The following TMEM135 variants were observed in gnomAD, a reference collection of about 807,000 sequenced individuals.
The protein encoded by TMEM135 is transmembrane protein 135, also known as peroxisomal membrane protein 52.
In TMEM135, 30 loss-of-function variants were observed where a neutral mutation model predicts 60.3. The observed-to-expected ratio is 0.50, with a 90% CI of 0.37 to 0.68. The LOEUF (loss-of-function observed/expected upper bound fraction) is 0.68. TMEM135 is among the 30% of genes least tolerant of loss of function. The probability of loss-of-function intolerance (pLI) is 0.00; values close to 1 mark genes in which losing one functional copy is unlikely to be tolerated. For missense variants in TMEM135, 468 were observed against 548.8 expected (o/e 0.85, Z 1.47); for synonymous variants, 190 against 186.7 (o/e 1.02, Z -0.14).
intron 6 of TMEM135, among the ~76,000 whole-genome samples, chr11:87,284,530 G>A (rs1396436325): frequency 1.3e-5 from 2 of 152,162 alleles, no homozygotes; most frequent in Non-Finnish European, 2.9e-5. Context: ...ATTATCGTCT[G>A]GGGACTTAGA....
intron 6 of TMEM135, chr11:87,277,312 G>C (rs1431494630): frequency 8.1e-6 from 3 of 369,068 alleles, no homozygotes; most frequent in Non-Finnish European, 1.6e-5. Context: ...TTGTATTTTT[G>C]TAGAGATGAG....
chr11:87,269,557 C>T (rs1408850427), intron 6 of TMEM135, among the ~76,000 whole-genome samples: 2 of 151,250 alleles, frequency 1.3e-5, no homozygotes, highest in Non-Finnish European at 2.9e-5. Context: ...CATGTGTTCT[C>T]ATTGTTCAAT....
In TMEM135 at chr11:87,255,288, A is replaced by G. The variant is rs182456260; in HGVS notation, c.509+18604A>G. Among the ~76,000 whole-genome samples the G allele has an allele frequency of 9.4e-4, 143 of 152,358 alleles. 3 individuals are homozygous for G. The highest frequency in any genetic ancestry group is 6.8e-3 in the Middle Eastern group (2 of 294). On this transcript the variant is annotated intron_variant, in intron 6 of 14. Transcript: ENST00000305494. ...ATTTGCAGAGGAGCAAAATTCTGCCATCCTTCTCTCTATTGCCAGCCTTAC... is the reference window on the plus strand; with the variant it reads ...ATTTGCAGAGGAGCAAAATTCTGCCGTCCTTCTCTCTATTGCCAGCCTTAC...
intron 5 of TMEM135, among the ~76,000 whole-genome samples, chr11:87,196,764 A>G (rs1236026986): frequency 2.8e-5 from 4 of 143,156 alleles, no homozygotes; most frequent in African/African-American, 1.0e-4. Flanking sequence ...TTCAATGAAA[A>G]CATGAACTTT....
intron 4 of TMEM135, among the ~76,000 whole-genome samples, chr11:87,127,391 C>T (rs1390261799): frequency 1.3e-5 from 2 of 152,198 alleles, no homozygotes; most frequent in African/African-American, 2.4e-5. Flanking sequence ...AATCAAGATT[C>T]ATGGCCTCCA....
intron 6 of TMEM135, among the ~76,000 whole-genome samples, chr11:87,260,730 G>T (rs1941634107): frequency 1.1e-5 from 1 of 88,422 alleles, no homozygotes; most frequent in African/African-American, 4.3e-5. Context: ...GAAAAAGAAA[G>T]GTTTTTTTTT....
intron 3 of TMEM135, among the ~76,000 whole-genome samples, chr11:87,079,943 G>A (rs1856953640): frequency 1.3e-5 from 2 of 149,812 alleles, no homozygotes; most frequent in South Asian, 2.1e-4. Context: ...GTGGGTTCAA[G>A]CGATTCTCCT....
intron 6 of TMEM135, among the ~76,000 whole-genome samples, chr11:87,274,703 G>T (rs1395662032): frequency 6.6e-6 from 1 of 151,816 alleles, no homozygotes; most frequent in Non-Finnish European, 1.5e-5. Flanking sequence ...GCTGATGCCT[G>T]TAATTCCAGC....
intron 5 of TMEM135, among the ~76,000 whole-genome samples, chr11:87,208,027 C>T (rs990412678): frequency 6.6e-6 from 1 of 152,128 alleles, no homozygotes; most frequent in Non-Finnish European, 1.5e-5. Flanking sequence ...CAACTTGTGC[C>T]ACAGTCAAAG....
intron 5 of TMEM135, among the ~76,000 whole-genome samples, chr11:87,167,102 CTCTT>C (rs909032776): frequency 1.3e-5 from 2 of 152,204 alleles, no homozygotes; most frequent in Admixed American, 1.3e-4. Context: ...ATTTGGCGTT[CTCTT>C]TGTCTGTTAT....
chr11:87,323,030 C>A lies in TMEM135; in HGVS notation c.*1697C>A. On this transcript the variant is annotated 3_prime_UTR_variant, in exon 15 of 15. Transcript: ENST00000305494. Reference sequence around the variant, plus strand: ...AAGTACTAAAGCCCTGAGAACTGCACCTCATTTTCTTTATCCAGAAATTGT... The same window carrying A: ...AAGTACTAAAGCCCTGAGAACTGCAACTCATTTTCTTTATCCAGAAATTGT... 2.2e-6 allele frequency: 1 copy of A among 454,324 alleles called. No homozygotes were observed. The highest frequency in any genetic ancestry group is 1.6e-5 in the South Asian group (1 of 64,426). The allele number at this position is 454,324 out of a possible 1,614,324, so 28.1% of individuals were successfully genotyped here.
At chr11:87,188,437 C>T (rs1288783686) in intron 5 of TMEM135, among the ~76,000 whole-genome samples, 1 of 152,058 alleles carries the variant, frequency 6.6e-6, no homozygotes, top group South Asian at 2.1e-4. Flanking sequence ...CGTGGTAGCT[C>T]ATGCCTGTAA....
rs1180116559 is a variant in TMEM135 at position 87,324,499 on chromosome 11, GA to G, written c.*3169del. The G allele has an allele frequency of 1.5e-5, 7 of 453,620 alleles. 1 individual carries two copies. The highest frequency in any genetic ancestry group is 1.1e-4 in the South Asian group (7 of 64,328). 28.1% of individuals were successfully genotyped at this position (453,620 alleles called of 1,614,324 possible). A position where few individuals can be genotyped will look rare whatever the true frequency, so the allele number is the denominator to read the frequency against. On this transcript the variant is annotated 3_prime_UTR_variant, in exon 15 of 15. Coordinates refer to ENST00000305494, the MANE Select transcript of TMEM135 (RefSeq NM_022918.4). ...TACAGTGGTGCAATCATAGCTCATT[GA>G]AACCTCAAATTCCTTGGTTCAAGCA...
At chr11:87,098,502 C>A (rs1211733903) in intron 4 of TMEM135, among the ~76,000 whole-genome samples, 1 of 152,014 alleles carries the variant, frequency 6.6e-6, no homozygotes, top group Non-Finnish European at 1.5e-5. Flanking sequence ...TGTGAACACT[C>A]CTGTTTTGCC....
At chr11:87,250,953 C>G (rs968537328) in intron 6 of TMEM135, among the ~76,000 whole-genome samples, 1 of 152,094 alleles carries the variant, frequency 6.6e-6, no homozygotes, top group Non-Finnish European at 1.5e-5. Flanking sequence ...TTGACCAAAA[C>G]TTATGGCAAT....
intron 10 of TMEM135, among the ~76,000 whole-genome samples, chr11:87,310,259 G>A (rs903918395): frequency 5.9e-5 from 9 of 151,942 alleles, no homozygotes; most frequent in Admixed American, 1.3e-4. Context: ...ATAAGCCCAC[G>A]CCTAAACATA....
intron 4 of TMEM135, among the ~76,000 whole-genome samples, chr11:87,149,379 T>C (rs1301850420): frequency 6.6e-6 from 1 of 152,160 alleles, no homozygotes; most frequent in Non-Finnish European, 1.5e-5. Flanking sequence ...TTCGTCATTC[T>C]CAGAGGTTTA....
At position 87,079,380 on chromosome 11, in the gene TMEM135, C is replaced by T. The variant is rs75691880; in HGVS notation, c.362+7765C>T. On this transcript the variant is annotated intron_variant, in intron 3 of 14. Coordinates refer to ENST00000305494, the MANE Select transcript of TMEM135 (RefSeq NM_022918.4). ...TCATCCATTTTGAATTAATTTTCGTCGGTAGTGTGAAGTAGAGAGTATTAA... is the reference window on the plus strand; with the variant it reads ...TCATCCATTTTGAATTAATTTTCGTTGGTAGTGTGAAGTAGAGAGTATTAA... Among the ~76,000 whole-genome samples the T allele has an allele frequency of 3.6e-3, 553 of 152,208 alleles. 5 individuals are homozygous for T. The highest frequency in any genetic ancestry group is 0.012 in the African/African-American group (484 of 41,528).
At chr11:87,152,978 A>G (rs907518731) in intron 4 of TMEM135, among the ~76,000 whole-genome samples, 6 of 152,062 alleles carry the variant, frequency 3.9e-5, no homozygotes, top group African/African-American at 1.4e-4. Context: ...CATCTCCCAC[A>G]TATATCAGTT....
Sources: allele counts gnomAD v4.1 joint callset (sites outside exome capture counted in the v4.1 genomes callset), GRCh38; gene constraint gnomAD v4.1.1; transcripts MANE v1.5; gene names NCBI Gene and HGNC (gene_info 2026-07-23, HGNC 2026-07-21).